The following STPG4 variants were observed in gnomAD, a reference collection of about 807,000 sequenced individuals.
The protein encoded by STPG4 is sperm-tail PG-rich repeat containing 4.
STPG4 carries 41 observed loss-of-function variants against 31.5 expected under a neutral mutation model. That is an observed-to-expected ratio of 1.30 (90% CI 1.01 to 1.69). The LOEUF is 1.69. Ranked by LOEUF, STPG4 falls within the 40% of genes most tolerant of loss-of-function variation. The pLI, the probability that STPG4 is intolerant of heterozygous loss-of-function variation, is 0.00. For synonymous variants in STPG4, 141 were observed against 103.0 expected, an observed-to-expected ratio of 1.37 and a Z score of -2.24; for missense variants, 375 against 293.4, an observed-to-expected ratio of 1.28 and a Z score of -2.03.
At chr2:47,138,769 C>A (rs896404544) in intron 3 of STPG4, among the ~76,000 whole-genome samples, 1 of 151,972 alleles carries the variant, frequency 6.6e-6, no homozygotes, top group East Asian at 1.9e-4. Flanking sequence ...AGGATAGTCT[C>A]GATCTCTTGA....
At chr2:47,090,664 G>A (rs1685552999) in intron 5 of STPG4, among the ~76,000 whole-genome samples, 1 of 152,140 alleles carries the variant, frequency 6.6e-6, no homozygotes, top group Admixed American at 6.5e-5. Flanking sequence ...CAGGCTCCCA[G>A]CCCACACTCA....
intron 5 of STPG4, among the ~76,000 whole-genome samples, chr2:47,111,835 T>C (rs544616940): frequency 6.6e-6 from 1 of 152,204 alleles, no homozygotes; most frequent in African/African-American, 2.4e-5. Flanking sequence ...AAATAGCCAA[T>C]AAGTATACAA....
chr2:47,098,807 G>C (rs1218153549), intron 5 of STPG4, among the ~76,000 whole-genome samples: 1 of 151,346 alleles, frequency 6.6e-6, no homozygotes, highest in Non-Finnish European at 1.5e-5. Flanking sequence ...CTGTGTGGAG[G>C]TGGGTACAGA....
chr2:47,141,136 C>A (rs139514517), intron 3 of STPG4, among the ~76,000 whole-genome samples: 2,224 of 152,122 alleles, frequency 0.015, 56 homozygotes, highest in African/African-American at 0.05. Flanking sequence ...ATCTGCCCCC[C>A]TCGGCCTCCC....
intron 5 of STPG4, 116 bp from the exon 6 acceptor site, chr2:47,090,490 A>T: frequency 1.4e-6 from 1 of 712,810 alleles, no homozygotes; most frequent in Non-Finnish European, 2.4e-6. Context: ...GAAAAATCCC[A>T]TATTTGGTCT....
chr2:47,128,714 A>G (rs1049549364), intron 5 of STPG4, among the ~76,000 whole-genome samples: 1 of 152,170 alleles, frequency 6.6e-6, no homozygotes, highest in Non-Finnish European at 1.5e-5. Context: ...GTGGGAGTCC[A>G]GAAATGACAT....
At chr2:47,094,992 G>T (rs991922475) in intron 5 of STPG4, among the ~76,000 whole-genome samples, 4 of 152,208 alleles carry the variant, frequency 2.6e-5, no homozygotes, top group African/African-American at 9.7e-5. Flanking sequence ...GTGAAGACGT[G>T]TATCACTCTG....
intron 5 of STPG4, among the ~76,000 whole-genome samples, chr2:47,116,096 T>G (rs1686147882): frequency 1.3e-5 from 2 of 152,218 alleles, no homozygotes; most frequent in Admixed American, 6.5e-5. Context: ...CTGGGCTCAT[T>G]GAGTTTTTCC....
intron 5 of STPG4, among the ~76,000 whole-genome samples, chr2:47,097,844 G>A (rs1685703051): frequency 6.6e-6 from 1 of 151,996 alleles, no homozygotes; most frequent in Non-Finnish European, 1.5e-5. Context: ...GGGGCTGGAT[G>A]CAGTGGCTCA....
intron 3 of STPG4, among the ~76,000 whole-genome samples, chr2:47,136,499 G>A (rs778399032): frequency 6.6e-5 from 10 of 152,184 alleles, no homozygotes; most frequent in Non-Finnish European, 1.3e-4. Context: ...CATTTAGATC[G>A]TGTACATATT....
intron 5 of STPG4, among the ~76,000 whole-genome samples, chr2:47,106,906 A>T (rs1165129758): frequency 6.6e-6 from 1 of 151,940 alleles, no homozygotes; most frequent in Non-Finnish European, 1.5e-5. Flanking sequence ...ACCCCAAATG[A>T]GTTAAACTAA....
Position 47,090,320 on chromosome 2 carries a change from CA to C in STPG4, c.573del (p.Val192SerfsTer28). 1 of 1,552,000 alleles carries C rather than the reference CA, an allele frequency of 6.4e-7. No homozygotes were observed. The highest frequency in any genetic ancestry group is 2.4e-5 in the East Asian group (1 of 40,926). On this transcript the variant is annotated frameshift_variant, in exon 6 of 7. Coordinates refer to ENST00000445927, the MANE Select transcript of STPG4 (RefSeq NM_001163561.2). LOFTEE classifies it high-confidence loss of function. ...ACTCTGGATTGAAAACAAGAAGTGACAGAGCTTGTTGGAGGCATTTTCACAT... is the reference window on the plus strand; with the variant it reads ...ACTCTGGATTGAAAACAAGAAGTGACGAGCTTGTTGGAGGCATTTTCACAT... ...HYNVKMPPTS[S>X]VTSCFQSRVP...
intron 5 of STPG4, among the ~76,000 whole-genome samples, chr2:47,119,754 A>G (rs1686229500): frequency 6.6e-6 from 1 of 152,238 alleles, no homozygotes; most frequent in Admixed American, 6.5e-5. Context: ...TGTAGTAGAA[A>G]ACGGGAAGGC....
chr2:47,102,046 C>A (rs909851059), intron 5 of STPG4, among the ~76,000 whole-genome samples: 2 of 151,868 alleles, frequency 1.3e-5, no homozygotes, highest in Non-Finnish European at 2.9e-5. Context: ...GTAAGGACCA[C>A]TAAATCCAAC....
intron 5 of STPG4, among the ~76,000 whole-genome samples, chr2:47,111,654 C>A (rs1461762746): frequency 6.6e-6 from 1 of 151,678 alleles, no homozygotes; most frequent in Non-Finnish European, 1.5e-5. Flanking sequence ...GTTTTCAACA[C>A]AATGTTTCTC....
intron 5 of STPG4, among the ~76,000 whole-genome samples, chr2:47,100,000 T>TGCCTGAGCCTCCCACCCC (rs1685757597): frequency 6.6e-6 from 1 of 152,090 alleles, no homozygotes; most frequent in African/African-American, 2.4e-5. Flanking sequence ...CAGCCCACCA[T>TGCCTGAGCCTCCCACCCC]GCCTGAGCCT....
intron 3 of STPG4, among the ~76,000 whole-genome samples, chr2:47,139,091 G>GA (rs1686655561): frequency 6.6e-6 from 1 of 152,192 alleles, no homozygotes; most frequent in Admixed American, 6.5e-5. Flanking sequence ...GCAGTCTATA[G>GA]ACATAAATTA....
At chr2:47,109,355 A>G (rs141317059) in intron 5 of STPG4, among the ~76,000 whole-genome samples, 8,622 of 152,212 alleles carry the variant, frequency 0.057, 357 homozygotes, top group African/African-American at 0.11. Context: ...TCAGGAGTTC[A>G]AGACCAGCCT....
chr2:47,155,003 C>G (rs547372474), intron 1 of STPG4, among the ~76,000 whole-genome samples, 168 bp downstream of exon 1: 1 of 152,064 alleles, frequency 6.6e-6, no homozygotes, highest in South Asian at 2.1e-4. Flanking sequence ...CCAATAAAGA[C>G]CAGGAAGGAA....
Sources: allele counts gnomAD v4.1 joint callset (sites outside exome capture counted in the v4.1 genomes callset), GRCh38; gene constraint gnomAD v4.1.1; transcripts MANE v1.5; gene names NCBI Gene and HGNC (gene_info 2026-07-23, HGNC 2026-07-21).